The following SNTG1 variants were observed in gnomAD, a reference collection of about 807,000 sequenced individuals.
SNTG1 encodes gamma-1-syntrophin.
Under a neutral mutation model 74.7 loss-of-function variants are expected in SNTG1, and 39 were observed. The observed-to-expected ratio is 0.52, with a 90% CI of 0.40 to 0.68. SNTG1 has a LOEUF of 0.68. Ranked by LOEUF, SNTG1 falls within the 30% of genes least tolerant of loss-of-function variation. The pLI, the probability that SNTG1 is intolerant of heterozygous loss-of-function variation, is 0.00. For missense variants in SNTG1, 685 were observed against 609.5 expected (o/e 1.12, Z -1.30); for synonymous variants, 254 against 217.1 (o/e 1.17, Z -1.49).
intron 12 of SNTG1, among the ~76,000 whole-genome samples, chr8:50,589,824 A>G (rs1481333825): frequency 6.6e-6 from 1 of 152,172 alleles, no homozygotes; most frequent in Non-Finnish European, 1.5e-5. Flanking sequence ...AGCTGAAGGC[A>G]TATATGAGTA....
At chr8:50,001,123 C>T (rs955348071) in intron 1 of SNTG1, among the ~76,000 whole-genome samples, 1 of 152,106 alleles carries the variant, frequency 6.6e-6, no homozygotes, top group Non-Finnish European at 1.5e-5. Context: ...GTGTGTTACA[C>T]AAGAAGAACA....
chr8:49,994,465 A>G (rs1393236142), intron 1 of SNTG1, among the ~76,000 whole-genome samples: 1 of 146,170 alleles, frequency 6.8e-6, no homozygotes, highest in Admixed American at 7.0e-5. Context: ...GGGTTTCACC[A>G]TGTTGGCCAG....
chr8:50,295,862 A>G (rs1363919989), intron 2 of SNTG1, among the ~76,000 whole-genome samples: 1 of 152,164 alleles, frequency 6.6e-6, no homozygotes, highest in Non-Finnish European at 1.5e-5. Context: ...AATGTTCCTC[A>G]TTTGAGCCTA....
At chr8:50,520,636 G>T (rs567258867) in intron 9 of SNTG1, among the ~76,000 whole-genome samples, 2 of 152,256 alleles carry the variant, frequency 1.3e-5, no homozygotes, top group Admixed American at 6.5e-5. Flanking sequence ...CTTCTCAAAA[G>T]AAGACATCTA....
intron 13 of SNTG1, among the ~76,000 whole-genome samples, chr8:50,623,818 G>T (rs2094939039): frequency 6.6e-6 from 1 of 151,802 alleles, no homozygotes; most frequent in Non-Finnish European, 1.5e-5. Context: ...AAAAATCATG[G>T]ATTTGTTTTG....
chr8:50,704,871 A>G, intron 16 of SNTG1, 119 bp downstream of exon 16: 2 of 1,125,564 alleles, frequency 1.8e-6, no homozygotes, highest in Non-Finnish European at 2.5e-6. Context: ...TTGACCTCAT[A>G]TACATTCTAT....
chr8:50,338,141 ATAAATAAAT>A (rs2091210743), intron 2 of SNTG1, among the ~76,000 whole-genome samples: 1 of 151,848 alleles, frequency 6.6e-6, no homozygotes, highest in African/African-American at 2.4e-5. Flanking sequence ...CTCAAAAAAA[ATAAATAAAT>A]AAAAATAAAT....
At chr8:50,776,009 A>G (rs1002277830) in intron 18 of SNTG1, among the ~76,000 whole-genome samples, 4 of 151,544 alleles carry the variant, frequency 2.6e-5, no homozygotes, top group African/African-American at 9.7e-5. Context: ...GTGAGCTTGT[A>G]GATAGCATAT....
At chr8:49,914,361 TAA>T (rs10563690) in intron 1 of SNTG1, among the ~76,000 whole-genome samples, 1,990 of 144,856 alleles carry the variant, frequency 0.014, 26 homozygotes, top group African/African-American at 0.036. Context: ...TTTTCCCCAT[TAA>T]AAAAAAAAAA....
At chr8:50,051,704 C>A (rs530960019) in intron 1 of SNTG1, among the ~76,000 whole-genome samples, 197 of 152,180 alleles carry the variant, frequency 1.3e-3, no homozygotes, top group African/African-American at 4.5e-3. Context: ...GCCGTTCTGC[C>A]ACCCAGTATT....
chr8:50,134,515 G>A (rs2081409574), intron 1 of SNTG1, among the ~76,000 whole-genome samples: 1 of 152,046 alleles, frequency 6.6e-6, no homozygotes, highest in Non-Finnish European at 1.5e-5. Context: ...CCTGGCTTAT[G>A]GGAAAGCTTT....
chr8:50,325,996 T>A (rs557479845), intron 2 of SNTG1, among the ~76,000 whole-genome samples: 12 of 152,174 alleles, frequency 7.9e-5, no homozygotes, highest in Middle Eastern at 6.8e-3. Context: ...GATCATGTGA[T>A]TTTTTATTAG....
chr8:50,772,765 G>T (rs193084446), intron 18 of SNTG1, among the ~76,000 whole-genome samples: 1 of 152,062 alleles, frequency 6.6e-6, no homozygotes, highest in Non-Finnish European at 1.5e-5. Flanking sequence ...AGGTCATGGG[G>T]GTAGATTCCC....
intron 2 of SNTG1, among the ~76,000 whole-genome samples, chr8:50,269,239 A>G (rs1399172471): frequency 6.6e-6 from 1 of 152,226 alleles, no homozygotes; most frequent in East Asian, 1.9e-4. Context: ...ATTGGGCTTT[A>G]TAAAAATTAA....
chr8:50,421,059 G>A (rs1268312032), intron 4 of SNTG1, among the ~76,000 whole-genome samples: 1 of 109,658 alleles, frequency 9.1e-6, no homozygotes, highest in Non-Finnish European at 1.9e-5. Flanking sequence ...GGGAGGGGGG[G>A]GCGAAGATAA....
chr8:50,194,770 TG>T (rs983841496), intron 2 of SNTG1, among the ~76,000 whole-genome samples: 3 of 152,142 alleles, frequency 2.0e-5, no homozygotes, highest in Non-Finnish European at 2.9e-5. Flanking sequence ...AATGTCAGTT[TG>T]TGCTCTTTCA....
intron 1 of SNTG1, among the ~76,000 whole-genome samples, chr8:50,169,090 T>TA (rs1296942714): frequency 6.6e-6 from 1 of 152,222 alleles, no homozygotes; most frequent in Non-Finnish European, 1.5e-5. Context: ...TTAAAACACT[T>TA]ATTTTCTTTC....
At chr8:50,023,029 C>T (rs960794541) in intron 1 of SNTG1, among the ~76,000 whole-genome samples, 5 of 152,088 alleles carry the variant, frequency 3.3e-5, no homozygotes, top group South Asian at 2.1e-4. Context: ...TGTGAATATA[C>T]GATAGGAAAA....
At chr8:50,438,926 T>C (rs2093332391) in intron 5 of SNTG1, among the ~76,000 whole-genome samples, 1 of 152,188 alleles carries the variant, frequency 6.6e-6, no homozygotes, top group African/African-American at 2.4e-5. Flanking sequence ...AATGATGATC[T>C]GCAGTAAATA....
Sources: gnomAD v4.1 joint callset for allele counts (sites outside exome capture counted in the v4.1 genomes callset) on GRCh38, gnomAD v4.1.1 for gene constraint, MANE v1.5 for transcripts, NCBI Gene and HGNC (gene_info 2026-07-23, HGNC 2026-07-21) for gene names.